PRKAA1: variants seen among roughly 807,000 people sequenced by gnomAD.
PRKAA1 encodes protein kinase AMP-activated catalytic subunit alpha 1.
A neutral mutation model predicts 56.9 loss-of-function variants in PRKAA1; 23 were observed. The ratio of observed to expected loss-of-function variants is 0.40; its 90% CI spans 0.29 to 0.57. PRKAA1 has a LOEUF of 0.57. Among genes scored for constraint, PRKAA1 ranks in the 20% least tolerant of loss-of-function variants. PRKAA1 has a pLI of 0.39. For synonymous variants in PRKAA1, 226 were observed against 227.0 expected, an observed-to-expected ratio of 1.00 and a Z score of 0.04; for missense variants, 413 against 679.7, an observed-to-expected ratio of 0.61 and a Z score of 4.36.
chr5:40,770,350 C>T (rs1337857210), intron 4 of PRKAA1, among the ~76,000 whole-genome samples: 1 of 151,988 alleles, frequency 6.6e-6, no homozygotes, highest in African/African-American at 2.4e-5. Context: ...TCTGTGGTCC[C>T]AGCTACTTGG....
At chr5:40,789,927 T>G (rs1744647721) in intron 1 of PRKAA1, 1 of 152,214 alleles carries the variant, frequency 6.6e-6, no homozygotes, top group African/African-American at 2.4e-5. Flanking sequence ...AAAGATAGAT[T>G]TTCTTTTTTA....
At chr5:40,789,343 A>G (rs182328685) in intron 1 of PRKAA1, among the ~76,000 whole-genome samples, 142 of 152,378 alleles carry the variant, frequency 9.3e-4, no homozygotes, top group Non-Finnish European at 1.7e-3. Flanking sequence ...TAGACTGGCT[A>G]TTATCAAAAA....
At chr5:40,788,622 G>A (rs761335812) in intron 1 of PRKAA1, among the ~76,000 whole-genome samples, 9 of 152,146 alleles carry the variant, frequency 5.9e-5, no homozygotes, top group Non-Finnish European at 1.3e-4. Context: ...AAGGTCAGGA[G>A]TTCGAGACCA....
chr5:40,798,112 G>C lies in PRKAA1; in HGVS notation c.78C>G (p.His26Gln), dbSNP rs766616413. The C allele has an allele frequency of 6.2e-7, 1 of 1,607,704 alleles. No individual in the cohort carries two copies. Among genetic ancestry groups the C allele is most frequent in the Non-Finnish European group, 8.5e-7 (1 of 1,176,708 alleles). ...CCCCCAGCGTGTCACCCAGAATGTA[G>C]TGGCCGATCTTCACCCGCCCGTCGT... ...QKHDGRVKIG[H>Q]YILGDTLGVG... is the part of the protein sequence containing the mutation. The change falls in exon 1 of 9, where the codon CAC becomes CAG. Residue 26 changes from histidine to glutamine, a missense_variant. By Grantham distance (24) the His-to-Gln change is conservative. Transcript: ENST00000397128.
intron 6 of PRKAA1, 128 bp from the exon 7 acceptor site, chr5:40,765,366 G>A: frequency 1.7e-6 from 2 of 1,152,206 alleles, no homozygotes; most frequent in South Asian, 4.0e-5. Flanking sequence ...GTCACTTTTT[G>A]CACTGAAATT....
At position 40,798,152 on chromosome 5, in the gene PRKAA1, G is replaced by A. The variant is rs2112122406; in HGVS notation, c.38C>T (p.Ala13Val). Reference sequence around the variant, plus strand: ...CCGCCCGTCGTGTTTCTGCTTCTCGGCTGTCGCCATCTTTCTCCAGGAACT... The same window carrying A: ...CCGCCCGTCGTGTTTCTGCTTCTCGACTGTCGCCATCTTTCTCCAGGAACT... ...RLSSWRKMAT[A>V]EKQKHDGRVK... Residue 13 changes from alanine to valine, a missense_variant, in exon 1 of 9, where the codon GCC becomes GTC. Physicochemically the swap from Ala to Val is moderately conservative, Grantham distance 64 (BLOSUM62 0). Transcript: ENST00000397128. 2 of 1,597,142 alleles carry A rather than the reference G, an allele frequency of 1.3e-6. No homozygotes were observed. The highest frequency in any genetic ancestry group is 4.6e-5 in the East Asian group (2 of 43,142).
Position 40,761,514 on chromosome 5 carries a change from C to G in PRKAA1, c.*1264G>C, listed in dbSNP as rs1743186295. On this transcript the variant is annotated 3_prime_UTR_variant, in exon 9 of 9. Transcript: ENST00000397128. Reference sequence around the variant, plus strand: ...GGTATAGAGAAAACAAATGACAAAACATTAACAACTGCTGAATCTAAATGG... The same window carrying G: ...GGTATAGAGAAAACAAATGACAAAAGATTAACAACTGCTGAATCTAAATGG... 6.6e-6 allele frequency: 1 copy of G among 152,050 alleles called. No homozygotes were observed. Among genetic ancestry groups the G allele is most frequent in the Admixed American group, 6.6e-5 (1 of 15,252 alleles). The allele number at this position is 152,050 out of a possible 1,614,324, so 9.4% of individuals were successfully genotyped here.
At position 40,798,117 on chromosome 5, in the gene PRKAA1, C is replaced by G. The variant is rs759922711; in HGVS notation, c.73G>C (p.Gly25Arg). ...KQKHDGRVKI[G>R]HYILGDTLGV... The stretch of plus-strand genomic sequence containing the variant: ...AGCGTGTCACCCAGAATGTAGTGGC[C>G]GATCTTCACCCGCCCGTCGTGTTTC... The change falls in exon 1 of 9, where the codon GGC becomes CGC. Residue 25 changes from glycine to arginine, a missense_variant. Coordinates refer to ENST00000397128, the MANE Select transcript of PRKAA1 (RefSeq NM_006251.6). 6.2e-7 allele frequency: 1 copy of G among 1,607,124 alleles called. No homozygotes were observed. Among genetic ancestry groups the G allele is most frequent in the Non-Finnish European group, 8.5e-7 (1 of 1,176,278 alleles).
At chr5:40,773,663 GT>G (rs138985727) in intron 3 of PRKAA1, among the ~76,000 whole-genome samples, 4,591 of 152,244 alleles carry the variant, frequency 0.03, 76 homozygotes, top group East Asian at 0.064. Flanking sequence ...GCCTATAGGG[GT>G]AGAAACCAGT....
intron 3 of PRKAA1, among the ~76,000 whole-genome samples, chr5:40,774,549 AT>A (rs34814119): frequency 0.011 from 1,322 of 125,046 alleles, 49 homozygotes; most frequent in African/African-American, 0.029. Context: ...TCCAGGCAGA[AT>A]TTTTTTTTTT....
rs1743620029 is a variant in PRKAA1, at chr5:40,769,461, C to G, written c.551G>C (p.Ser184Thr). The G allele has an allele frequency of 6.2e-7, 1 of 1,611,114 alleles. No individual in the cohort carries two copies. The highest frequency in any genetic ancestry group is 8.5e-7 in the Non-Finnish European group (1 of 1,178,438). Residue 184 changes from serine to threonine, a missense_variant, in exon 5 of 9, where the codon AGT becomes ACT. Ser to Thr is a moderately conservative substitution (Grantham distance 58). Around this residue, in one of 9 missense-constraint regions of PRKAA1, gnomAD observed 113 missense variants for 198.6 expected, o/e 0.57. Coordinates refer to ENST00000397128, the MANE Select transcript of PRKAA1 (RefSeq NM_006251.6). ...MMSDGEFLRT[S>T]CGSPNYAAPE... ...TGCAGCATAGTTGGGTGAGCCACAA[C>G]TTGTTCTTAAAAATTCACCATCTGA... is the stretch of plus-strand genomic sequence containing the variant.
chr5:40,763,915 A>T (rs1237888923), intron 8 of PRKAA1, among the ~76,000 whole-genome samples: 1 of 152,174 alleles, frequency 6.6e-6, no homozygotes, highest in African/African-American at 2.4e-5. Context: ...GCAACCTTCC[A>T]TAAGCAAAGG....
Position 40,767,642 on chromosome 5 carries a change from G to A in PRKAA1, c.645C>T (p.Leu215=), listed in dbSNP as rs755681776. 6.2e-6 allele frequency: 10 copies of A among 1,613,532 alleles called. No individual in the cohort carries two copies. The South Asian group carries it at 9.9e-5, about 16-fold the overall frequency. The change falls in exon 6 of 9, where the codon CTC becomes CTT. Residue 215 remains leucine, a synonymous_variant. Coordinates refer to ENST00000397128, the MANE Select transcript of PRKAA1 (RefSeq NM_006251.6). ...EVDIWSSGVI[L]YALLCGTLPF... is the part of the protein sequence containing the mutation. ...GAAGGGTTCCACATAATAAAGCATA[G>A]AGAATAACCCCACTGCTCCATATAT... is the stretch of plus-strand genomic sequence containing the variant.
chr5:40,794,091 A>G (rs1364973367), intron 1 of PRKAA1, among the ~76,000 whole-genome samples: 1 of 143,432 alleles, frequency 7.0e-6, no homozygotes, highest in Non-Finnish European at 1.6e-5. Flanking sequence ...GACAAGAGCA[A>G]AACTGTCTCC....
In PRKAA1 at chr5:40,767,613, A is replaced by G; in HGVS notation, c.674T>C (p.Phe225Ser). The G allele has an allele frequency of 6.2e-7, 1 of 1,613,782 alleles. No individual in the cohort carries two copies. Among genetic ancestry groups the G allele is most frequent in the Non-Finnish European group, 8.5e-7 (1 of 1,179,704 alleles). Residue 225 changes from phenylalanine to serine, a missense_variant, in exon 6 of 9, where the codon TTT becomes TCT. Transcript: ENST00000397128. ...AAGAGTTGGCACATGGTCATCATCAAATGGAAGGGTTCCACATAATAAAGC... is the reference window on the plus strand; with the variant it reads ...AAGAGTTGGCACATGGTCATCATCAGATGGAAGGGTTCCACATAATAAAGC... The part of the protein sequence containing the change: ...LYALLCGTLP[F>S]DDDHVPTLFK...
At chr5:40,766,808 G>A (rs1209341603) in intron 6 of PRKAA1, among the ~76,000 whole-genome samples, 3 of 11,652 alleles carry the variant, frequency 2.6e-4, no homozygotes, top group Non-Finnish European at 4.7e-4. Flanking sequence ...ACCAGCCTGG[G>A]CAAAAATAGC....
rs111417976 is a variant in PRKAA1 at position 40,797,998 on chromosome 5, G to A, written c.127+65C>T. ...GCAGCGGGCGGGGGAGGATGAAGAGGTGCGGAAAGCGGAAGTCGTGCGGCT... is the reference window on the plus strand; with the variant it reads ...GCAGCGGGCGGGGGAGGATGAAGAGATGCGGAAAGCGGAAGTCGTGCGGCT... On this transcript the variant is annotated intron_variant, in intron 1 of 8. Transcript: ENST00000397128. 2.2e-3 allele frequency: 3,454 copies of A among 1,577,330 alleles called. 40 individuals are homozygous for A. In the African/African-American group the frequency reaches 0.034, roughly 15 times the overall value.
intron 3 of PRKAA1, among the ~76,000 whole-genome samples, chr5:40,773,700 C>G (rs1265190451): frequency 6.6e-6 from 1 of 152,132 alleles, no homozygotes; most frequent in Non-Finnish European, 1.5e-5. Flanking sequence ...GCATACAAAG[C>G]CTGGGAAGCC....
At chr5:40,778,328 A>G (rs1223220394) in intron 1 of PRKAA1, among the ~76,000 whole-genome samples, 2 of 152,338 alleles carry the variant, frequency 1.3e-5, no homozygotes, top group South Asian at 2.1e-4. Context: ...CTAAGCAAAT[A>G]TAAGTTATTT....
Sources: gnomAD v4.1 joint callset for allele counts (sites outside exome capture counted in the v4.1 genomes callset) on GRCh38, gnomAD v4.1.1 for gene constraint, gnomAD v4.1.1 regional missense constraint, MANE v1.5 for transcripts, NCBI Gene and HGNC (gene_info 2026-07-23, HGNC 2026-07-21) for gene names.